The following MARCHF1 variants were observed in gnomAD, a reference collection of about 807,000 sequenced individuals.
MARCHF1 encodes membrane associated ring-CH-type finger 1.
MARCHF1 carries 40 observed loss-of-function variants against 54.2 expected under a neutral mutation model. The ratio of observed to expected loss-of-function variants is 0.74; its 90% CI spans 0.57 to 0.96. The LOEUF (loss-of-function observed/expected upper bound fraction) is 0.96, where lower values mean the gene tolerates loss of function less well. Ranked by LOEUF, MARCHF1 falls within the 40% of genes least tolerant of loss-of-function variation. MARCHF1 has a pLI of 0.00. For synonymous variants in MARCHF1, 236 were observed against 236.3 expected (o/e 1.00, Z 0.01); for missense variants, 586 against 656.5 (o/e 0.89, Z 1.17).
chr4:164,119,619 T>C (rs1756021039), intron 1 of MARCHF1, among the ~76,000 whole-genome samples: 1 of 150,766 alleles, frequency 6.6e-6, no homozygotes, highest in South Asian at 2.1e-4. Flanking sequence ...ATAAAATAAA[T>C]AAATCAAAAT....
intron 1 of MARCHF1, among the ~76,000 whole-genome samples, chr4:164,251,979 A>G (rs903303777): frequency 6.6e-6 from 1 of 152,182 alleles, no homozygotes; most frequent in Non-Finnish European, 1.5e-5. Flanking sequence ...TCTTAGATAA[A>G]TCATCACAAA....
At chr4:163,679,651 TGCC>T (rs921668436) in intron 5 of MARCHF1, among the ~76,000 whole-genome samples, 2 of 151,804 alleles carry the variant, frequency 1.3e-5, no homozygotes, top group Non-Finnish European at 2.9e-5. Context: ...CTCGCTCTGT[TGCC>T]CAGGCTGGAG....
intron 5 of MARCHF1, among the ~76,000 whole-genome samples, chr4:163,632,877 T>A (rs1320696413): frequency 2.0e-5 from 3 of 152,190 alleles, no homozygotes; most frequent in African/African-American, 7.2e-5. Flanking sequence ...GCAGTGGTTC[T>A]CCCAGTATGC....
chr4:163,682,495 C>T (rs1451086253), intron 5 of MARCHF1, among the ~76,000 whole-genome samples: 2 of 152,152 alleles, frequency 1.3e-5, no homozygotes, highest in Non-Finnish European at 2.9e-5. Flanking sequence ...GCCGCGGGCC[C>T]AGGGACCCCC....
chr4:163,964,108 C>T (rs901931992), intron 3 of MARCHF1, among the ~76,000 whole-genome samples: 1 of 152,124 alleles, frequency 6.6e-6, no homozygotes, highest in South Asian at 2.1e-4. Flanking sequence ...ATCATTTTCA[C>T]AATCACCTGC....
intron 2 of MARCHF1, among the ~76,000 whole-genome samples, chr4:164,043,453 G>A (rs1754171276): frequency 1.3e-5 from 2 of 152,154 alleles, no homozygotes; most frequent in Admixed American, 1.3e-4. Flanking sequence ...TGGAGCTGGA[G>A]CAGCTGTGAC....
chr4:164,233,947 A>G (rs1732481015), intron 1 of MARCHF1, among the ~76,000 whole-genome samples: 1 of 152,196 alleles, frequency 6.6e-6, no homozygotes, highest in African/African-American at 2.4e-5. Context: ...TTTTCTTACA[A>G]TTTAGATGCC....
chr4:163,960,655 A>T (rs928940504), intron 3 of MARCHF1, among the ~76,000 whole-genome samples: 2 of 151,770 alleles, frequency 1.3e-5, no homozygotes, highest in Non-Finnish European at 2.9e-5. Context: ...TGTCTACTTG[A>T]GTGTGGAGGG....
intron 2 of MARCHF1, among the ~76,000 whole-genome samples, chr4:164,036,102 C>CAAAAAAAA (rs34183134): frequency 1.2e-5 from 1 of 82,758 alleles, no homozygotes; most frequent in African/African-American, 3.9e-5. Context: ...GATTCTGTCT[C>CAAAAAAAA]AAAAAAAAAA....
chr4:163,967,389 G>A (rs573525576), intron 3 of MARCHF1, among the ~76,000 whole-genome samples: 46 of 152,276 alleles, frequency 3.0e-4, no homozygotes, highest in African/African-American at 1.1e-3. Flanking sequence ...TGCACGTCTC[G>A]TGGTCCATGT....
chr4:163,653,543 G>T (rs929383599), intron 5 of MARCHF1, among the ~76,000 whole-genome samples: 3 of 151,760 alleles, frequency 2.0e-5, no homozygotes, highest in African/African-American at 7.3e-5. Context: ...TGTGTGTAGG[G>T]TGATAGTGAT....
chr4:164,112,840 A>G (rs1755861835), intron 1 of MARCHF1, among the ~76,000 whole-genome samples: 1 of 151,968 alleles, frequency 6.6e-6, no homozygotes, highest in Non-Finnish European at 1.5e-5. Context: ...ATTAATTTTT[A>G]AATGTTTATC....
chr4:164,272,486 T>C (rs1484988810), intron 1 of MARCHF1, among the ~76,000 whole-genome samples: 4 of 152,046 alleles, frequency 2.6e-5, no homozygotes, highest in South Asian at 2.1e-4. Flanking sequence ...GCAAAACATA[T>C]TGTTTAGTGA....
intron 3 of MARCHF1, among the ~76,000 whole-genome samples, chr4:163,919,834 T>C (rs904142514): frequency 1.3e-5 from 2 of 152,132 alleles, no homozygotes; most frequent in African/African-American, 4.8e-5. Flanking sequence ...TTTAATAGCA[T>C]TTTTCTATTT....
intron 3 of MARCHF1, among the ~76,000 whole-genome samples, chr4:163,924,907 T>G (rs2111374236): frequency 6.6e-6 from 1 of 152,000 alleles, no homozygotes; most frequent in East Asian, 1.9e-4. Flanking sequence ...GATAATCCAT[T>G]TCCATGAACC....
At chr4:164,347,188 C>T (rs1009467060) in intron 1 of MARCHF1, among the ~76,000 whole-genome samples, 4 of 152,076 alleles carry the variant, frequency 2.6e-5, no homozygotes, top group Non-Finnish European at 5.9e-5. Flanking sequence ...CTTGAATTTG[C>T]ACTAAGCTAA....
At chr4:163,928,157 G>T (rs556600778) in intron 3 of MARCHF1, among the ~76,000 whole-genome samples, 23 of 151,958 alleles carry the variant, frequency 1.5e-4, no homozygotes, top group African/African-American at 5.5e-4. Context: ...TGGAAAGAAA[G>T]TGCCTTTGTC....
chr4:163,801,549 T>A (rs1049151624), intron 4 of MARCHF1, among the ~76,000 whole-genome samples: 1 of 152,140 alleles, frequency 6.6e-6, no homozygotes, highest in Non-Finnish European at 1.5e-5. Flanking sequence ...AGGTATATCA[T>A]AACATCAGTA....
At chr4:163,566,607 A>G (rs1053484719) in intron 8 of MARCHF1, among the ~76,000 whole-genome samples, 16 of 152,150 alleles carry the variant, frequency 1.1e-4, no homozygotes, top group South Asian at 4.1e-4. Context: ...CCCACCATCT[A>G]CAATAAAGGC....
Sources: allele counts gnomAD v4.1 joint callset (sites outside exome capture counted in the v4.1 genomes callset), GRCh38; gene constraint gnomAD v4.1.1; transcripts MANE v1.5; gene names NCBI Gene and HGNC (gene_info 2026-07-23, HGNC 2026-07-21).